Variants in C6orf120 observed in about 807,000 individuals in gnomAD.
C6orf120 encodes UPF0669 protein C6orf120.
For synonymous variants in C6orf120, 165 were observed against 123.1 expected (o/e 1.34, Z -2.25); for missense variants, 311 against 264.2 (o/e 1.18, Z -1.23).
In C6orf120 at chr6:169,704,057, G is replaced by C. The variant is rs1301511842; in HGVS notation, c.*1022G>C. 1.9e-6 allele frequency: 3 copies of C among 1,581,522 alleles called. No individual in the cohort carries two copies. The African/African-American group carries it at 4.1e-5, about 22-fold the overall frequency. On this transcript the variant is annotated 3_prime_UTR_variant, in exon 1 of 1. Coordinates refer to ENST00000332290, the Ensembl canonical transcript of C6orf120. The stretch of plus-strand genomic sequence containing the variant: ...TGCCCACTTTCCTGGGTGTTGGGGG[G>C]GCCCGCTGACAACAGTCACAAATCC...
downstream of C6orf120, chr6:169,704,960 T>C: frequency 2.3e-6 from 1 of 437,592 alleles, no homozygotes. Context: ...TTAGTTGGAA[T>C]TGTCTAGGGA....
At chr6:169,705,282 G>A (rs373802598), downstream of C6orf120, 176 of 1,613,046 alleles carry the variant, frequency 1.1e-4, 1 homozygote, top group Middle Eastern at 6.6e-4. Flanking sequence ...CTTAATCATA[G>A]AAACAAGCTC....
exon 1 of C6orf120, chr6:169,702,287 C>T (rs1788327240): frequency 2.9e-6 from 2 of 678,162 alleles, no homozygotes; most frequent in South Asian, 3.1e-5. Flanking sequence ...TAACCCACCC[C>T]TCCTCCCCGG....
At chr6:169,704,989 G>T, downstream of C6orf120, 1 of 528,300 alleles carries the variant, frequency 1.9e-6, no homozygotes, top group South Asian at 4.3e-5. Context: ...TGGTGGACAT[G>T]ACCTGTATAA....
exon 1 of C6orf120, chr6:169,702,908 CCGCCGACGG>C: frequency 6.2e-7 from 1 of 1,612,622 alleles, no homozygotes; most frequent in Non-Finnish European, 8.5e-7. Context: ...GCCGCCTACC[CCGCCGACGG>C]CGCAGATGCC....
downstream of C6orf120, chr6:169,705,127 C>A: frequency 6.3e-7 from 1 of 1,584,656 alleles, no homozygotes; most frequent in Non-Finnish European, 8.6e-7. Flanking sequence ...TTTTTTTAAT[C>A]TTTACCTGAT....
exon 1 of C6orf120, chr6:169,702,453 G>A (rs368439208): frequency 6.6e-7 from 1 of 1,517,422 alleles, no homozygotes; most frequent in Non-Finnish European, 8.9e-7. Context: ...GAGCTGAGCC[G>A]CCAGCCATGG....
chr6:169,705,248 T>C (rs769656405), downstream of C6orf120: 2 of 1,613,302 alleles, frequency 1.2e-6, no homozygotes, highest in Admixed American at 3.3e-5. Context: ...ATGTTTTACA[T>C]TCCATACACT....
chr6:169,702,460 A>G (rs1402164263), exon 1 of C6orf120: 5 of 1,533,658 alleles, frequency 3.3e-6, no homozygotes, highest in Non-Finnish European at 4.4e-6. Flanking sequence ...GCCGCCAGCC[A>G]TGGCCGCTCC....
chr6:169,702,499 G>A (rs1287141025), exon 1 of C6orf120: 1 of 1,594,920 alleles, frequency 6.3e-7, no homozygotes. Flanking sequence ...CTGGACGACG[G>A]CCCTGCTGCT....
At chr6:169,705,148 C>T, downstream of C6orf120, 1 of 1,607,876 alleles carries the variant, frequency 6.2e-7, no homozygotes, top group Non-Finnish European at 8.5e-7. Flanking sequence ...GGAATAGCAC[C>T]AAGGCCCACA....
downstream of C6orf120, chr6:169,705,103 G>A (rs1562983478): frequency 6.5e-7 from 1 of 1,545,554 alleles, no homozygotes; most frequent in South Asian, 1.2e-5. Context: ...ATCACCCAAA[G>A]ATAATGTTTG....
chr6:169,702,777 C>T, exon 1 of C6orf120: 2 of 1,613,258 alleles, frequency 1.2e-6, no homozygotes, highest in Non-Finnish European at 1.7e-6. Flanking sequence ...CCGTGTCCAT[C>T]CCCGCGCACT....
exon 1 of C6orf120, chr6:169,702,542 G>C (rs1255364737): frequency 6.2e-7 from 1 of 1,612,134 alleles, no homozygotes; most frequent in Non-Finnish European, 8.5e-7. Flanking sequence ...TCTCCGGGAA[G>C]CTGCGCGGAC....
chr6:169,703,803 G>A, exon 1 of C6orf120: 1 of 548,852 alleles, frequency 1.8e-6, no homozygotes. Flanking sequence ...AGTGAGCCAA[G>A]GTTACTATAA....
At chr6:169,702,660 C>G in exon 1 of C6orf120, 6 of 1,613,444 alleles carry the variant, frequency 3.7e-6, no homozygotes. Flanking sequence ...AGATAGTCCT[C>G]AGGATGCGCA....
At chr6:169,705,005 G>T, downstream of C6orf120, 1 of 601,474 alleles carries the variant, frequency 1.7e-6, no homozygotes, top group Non-Finnish European at 2.8e-6. Context: ...TATAATCACA[G>T]CTTTGGTCAT....
downstream of C6orf120, chr6:169,705,025 TAA>T: frequency 2.7e-6 from 2 of 743,792 alleles, no homozygotes; most frequent in South Asian, 4.6e-5. Flanking sequence ...TATTTGCACA[TAA>T]GAGTCCACAA....
chr6:169,702,823 C>A (rs766390371), exon 1 of C6orf120: 21 of 1,612,584 alleles, frequency 1.3e-5, no homozygotes, highest in Non-Finnish European at 1.8e-5. Context: ...CTATGGACAC[C>A]CCTCCCACCT....
Sources: gnomAD v4.1 joint callset for allele counts on GRCh38, gnomAD v4.1.1 for gene constraint, MANE v1.5 for transcripts, NCBI Gene and HGNC (gene_info 2026-07-23, HGNC 2026-07-21) for gene names.